CD96: variants seen among roughly 807,000 people sequenced by gnomAD.
CD96 encodes T-cell surface protein tactile.
A neutral mutation model predicts 71.3 loss-of-function variants in CD96; 70 were observed. The ratio of observed to expected loss-of-function variants is 0.98; its 90% CI spans 0.81 to 1.20. The LOEUF is 1.20. Among genes scored for constraint, CD96 ranks in the 50% most tolerant of loss-of-function variants. The pLI is 0.00. For synonymous variants in CD96, 248 were observed against 233.0 expected (o/e 1.06, Z -0.59); for missense variants, 742 against 677.5 (o/e 1.10, Z -1.06).
chr3:111,655,079 C>T (rs1010699292), downstream of CD96, among the ~76,000 whole-genome samples: 2 of 152,208 alleles, frequency 1.3e-5, no homozygotes, highest in African/African-American at 4.8e-5. Context: ...TTTTGCATCA[C>T]TGGTTTGAGA....
intron 2 of CD96, among the ~76,000 whole-genome samples, chr3:111,557,952 T>G (rs2107513391): frequency 7.0e-6 from 1 of 143,364 alleles, no homozygotes; most frequent in African/African-American, 2.6e-5. Context: ...CTAGGTATTT[T>G]ATTCTCTTTG....
chr3:111,654,947 A>G (rs1232572047), downstream of CD96, among the ~76,000 whole-genome samples: 2 of 152,252 alleles, frequency 1.3e-5, no homozygotes, highest in Non-Finnish European at 2.9e-5. Flanking sequence ...TCATATCCTG[A>G]GAGCCATGTA....
intron 2 of CD96, among the ~76,000 whole-genome samples, chr3:111,564,535 A>G (rs553722545): frequency 1.3e-5 from 2 of 152,092 alleles, no homozygotes; most frequent in East Asian, 1.9e-4. Flanking sequence ...TTTTTCTTCC[A>G]CTGGACTCAT....
rs370214513 is a variant in CD96, at chr3:111,579,286, G to A, written c.751+52G>A. ...CTGGCATCCTCCTGTCTCCTGCCCT[G>A]CTCTTCCTTGAAGAGGAAGCACCCT... On this transcript the variant is annotated intron_variant, in intron 4 of 13. Coordinates refer to ENST00000352690, the MANE Select transcript of CD96 (RefSeq NM_005816.5). The A allele has an allele frequency of 1.7e-5, 17 of 986,004 alleles. No homozygotes were observed. The African/African-American group carries it at 2.4e-4, about 14-fold the overall frequency. 61.1% of individuals were successfully genotyped at this position (986,004 alleles called of 1,614,324 possible). A position where few individuals can be genotyped will look rare whatever the true frequency, so the allele number is the denominator to read the frequency against.
chr3:111,550,946 T>G (rs1576302275), intron 2 of CD96, among the ~76,000 whole-genome samples: 1 of 152,148 alleles, frequency 6.6e-6, no homozygotes, highest in Non-Finnish European at 1.5e-5. Context: ...ACATTTGGAT[T>G]CCTTTTTAGA....
At chr3:111,589,098 C>T (rs1936853090) in intron 5 of CD96, among the ~76,000 whole-genome samples, 2 of 151,830 alleles carry the variant, frequency 1.3e-5, no homozygotes, top group African/African-American at 4.8e-5. Context: ...TTACAGGCGC[C>T]TGCCACCATG....
intron 2 of CD96, among the ~76,000 whole-genome samples, chr3:111,555,619 T>A (rs932957877): frequency 2.0e-5 from 3 of 152,306 alleles, no homozygotes; most frequent in Non-Finnish European, 2.9e-5. Flanking sequence ...GTTTGGTTGG[T>A]TGGTTTTTGC....
chr3:111,568,071 G>A (rs921297201), intron 3 of CD96, among the ~76,000 whole-genome samples: 3 of 152,128 alleles, frequency 2.0e-5, no homozygotes, highest in Admixed American at 2.0e-4. Context: ...TCCAACATTG[G>A]GTTAGATAGG....
intron 3 of CD96, among the ~76,000 whole-genome samples, chr3:111,569,058 G>T (rs1267255200): frequency 6.6e-6 from 1 of 152,100 alleles, no homozygotes. Context: ...TGTAACAGCT[G>T]GCACAATTTG....
At chr3:111,652,833 TA>T (rs1257517116), downstream of CD96, among the ~76,000 whole-genome samples, 1 of 151,980 alleles carries the variant, frequency 6.6e-6, no homozygotes, top group African/African-American at 2.4e-5. Context: ...TGTGTGCGAG[TA>T]AATTCATAGA....
At chr3:111,630,592 G>T (rs1939011009) in intron 10 of CD96, among the ~76,000 whole-genome samples, 1 of 152,130 alleles carries the variant, frequency 6.6e-6, no homozygotes, top group Admixed American at 6.5e-5. Flanking sequence ...AAGAAGAACT[G>T]GTACCATTCC....
chr3:111,615,993 G>A (rs527861095), intron 8 of CD96, among the ~76,000 whole-genome samples: 90 of 152,022 alleles, frequency 5.9e-4, no homozygotes, highest in Non-Finnish European at 1.0e-3. Context: ...TCATCTTCTC[G>A]AAATTTTTGT....
At chr3:111,545,904 G>A (rs1440034005) in intron 2 of CD96, among the ~76,000 whole-genome samples, 2 of 152,028 alleles carry the variant, frequency 1.3e-5, no homozygotes, top group Non-Finnish European at 2.9e-5. Context: ...CTTTTAAAAG[G>A]TTTCTATTTT....
chr3:111,614,863 C>T (rs756852716), intron 8 of CD96, among the ~76,000 whole-genome samples: 3 of 152,194 alleles, frequency 2.0e-5, no homozygotes, highest in Admixed American at 1.3e-4. Flanking sequence ...ATCCACACTT[C>T]GCTTGGTCTA....
chr3:111,574,788 A>ATTTT (rs5851773), intron 3 of CD96, among the ~76,000 whole-genome samples: 1 of 148,384 alleles, frequency 6.7e-6, no homozygotes. Context: ...GAATTTTTAG[A>ATTTT]TTTTTTTTTT....
At chr3:111,602,296 A>C (rs543782105) in intron 7 of CD96, among the ~76,000 whole-genome samples, 2 of 152,238 alleles carry the variant, frequency 1.3e-5, no homozygotes, top group Non-Finnish European at 2.9e-5. Flanking sequence ...CTGATGTTAA[A>C]ACAGTGCTTG....
intron 2 of CD96, among the ~76,000 whole-genome samples, chr3:111,562,099 C>T (rs1576321021): frequency 6.6e-6 from 1 of 152,354 alleles, no homozygotes; most frequent in East Asian, 1.9e-4. Flanking sequence ...CTGGCCTGCG[C>T]CCACTGTCTG....
At chr3:111,552,119 C>T (rs543854105) in intron 2 of CD96, among the ~76,000 whole-genome samples, 1 of 152,074 alleles carries the variant, frequency 6.6e-6, no homozygotes, top group South Asian at 2.1e-4. Flanking sequence ...CTATTCATGT[C>T]CTGTGCCCAC....
chr3:111,603,135 A>G lies in CD96; in HGVS notation c.1087+2221A>G, dbSNP rs16858319. 0.019 allele frequency among the ~76,000 whole-genome samples: 2,858 copies of G among 152,204 alleles called. 194 individuals carry two copies. In the East Asian group the frequency reaches 0.21, roughly 11 times the overall value. On this transcript the variant is annotated intron_variant, in intron 7 of 13. Transcript: ENST00000352690. Reference sequence around the variant, plus strand: ...GATCCACAGTAACTACCACTAAGAAAAAAAAGCCTTTCAAAAATATCATGG... The same window carrying G: ...GATCCACAGTAACTACCACTAAGAAGAAAAAGCCTTTCAAAAATATCATGG...
Sources: allele counts gnomAD v4.1 joint callset (sites outside exome capture counted in the v4.1 genomes callset), GRCh38; gene constraint gnomAD v4.1.1; transcripts MANE v1.5; gene names NCBI Gene and HGNC (gene_info 2026-07-23, HGNC 2026-07-21).